C12orf54: variants seen among roughly 807,000 people sequenced by gnomAD.
C12orf54 encodes chromosome 12 open reading frame 54, also known as uncharacterized protein C12orf54.
Under a neutral mutation model 26.4 loss-of-function variants are expected in C12orf54, and 24 were observed. The ratio of observed to expected loss-of-function variants is 0.91; its 90% CI spans 0.66 to 1.28. The LOEUF (loss-of-function observed/expected upper bound fraction) is 1.28, where lower values mean the gene tolerates loss of function less well. C12orf54 is among the 50% of genes most tolerant of loss of function. The probability of loss-of-function intolerance (pLI) is 0.00; values close to 1 mark genes in which losing one functional copy is unlikely to be tolerated. For synonymous variants in C12orf54, 54 were observed against 47.0 expected (o/e 1.15, Z -0.61); for missense variants, 154 against 150.9 (o/e 1.02, Z -0.11).
the C12orf54 span, among the ~76,000 whole-genome samples, chr12:48,447,058 T>A: frequency 1.3e-5 from 2 of 152,244 alleles, no homozygotes; most frequent in Non-Finnish European, 2.9e-5. Context: ...TTAAAGGATT[T>A]ACTACTGGCA....
the C12orf54 span, among the ~76,000 whole-genome samples, chr12:48,424,919 G>A: frequency 6.6e-6 from 1 of 152,108 alleles, no homozygotes; most frequent in East Asian, 1.9e-4. Flanking sequence ...GCCAAGGGGT[G>A]GGAGGAGGAA....
At chr12:48,416,871 A>AAG in the C12orf54 span, among the ~76,000 whole-genome samples, 1 of 151,922 alleles carries the variant, frequency 6.6e-6, no homozygotes, top group African/African-American at 2.4e-5. Flanking sequence ...CCAAAAAAAA[A>AAG]AGAGAGAGAT....
At chr12:48,469,592 C>T in the C12orf54 span, among the ~76,000 whole-genome samples, 1 of 152,080 alleles carries the variant, frequency 6.6e-6, no homozygotes, top group South Asian at 2.1e-4. Flanking sequence ...ACATCCTCAT[C>T]TTATGAAGAT....
the C12orf54 span, chr12:48,473,231 G>A: frequency 8.6e-7 from 1 of 1,157,896 alleles, no homozygotes; most frequent in Non-Finnish European, 1.3e-6. Context: ...TGGAAGATGA[G>A]GAGGACGAGG....
chr12:48,456,736 TA>T, the C12orf54 span, among the ~76,000 whole-genome samples: 1 of 152,142 alleles, frequency 6.6e-6, no homozygotes, highest in Non-Finnish European at 1.5e-5. Context: ...ATTATTAATA[TA>T]TTTCCCTCTG....
intron 2 of C12orf54, among the ~76,000 whole-genome samples, chr12:48,483,908 T>G (rs556284212): frequency 6.6e-6 from 1 of 152,166 alleles, no homozygotes; most frequent in Admixed American, 6.5e-5. Flanking sequence ...TTGTAGAAAT[T>G]TGGGGCTGGG....
At chr12:48,416,125 G>A in the C12orf54 span, among the ~76,000 whole-genome samples, 15,341 of 152,050 alleles carry the variant, frequency 0.1, 832 homozygotes, top group Middle Eastern at 0.13. Flanking sequence ...AAAAAATACC[G>A]TCAGATGTCA....
intron 7 of C12orf54, among the ~76,000 whole-genome samples, chr12:48,494,551 A>G (rs1937868425): frequency 6.6e-6 from 1 of 152,196 alleles, no homozygotes; most frequent in East Asian, 1.9e-4. Flanking sequence ...GTCAAGCAAG[A>G]GGAATTTTCC....
the C12orf54 span, chr12:48,473,283 G>T: frequency 9.1e-7 from 1 of 1,093,394 alleles, no homozygotes; most frequent in Non-Finnish European, 1.4e-6. Context: ...GAGTGGAGAC[G>T]AGGAGGAGAA....
chr12:48,424,797 G>A, the C12orf54 span, among the ~76,000 whole-genome samples: 18 of 151,980 alleles, frequency 1.2e-4, no homozygotes, highest in African/African-American at 4.8e-5. Context: ...ACATCACTAC[G>A]CTAAGGCAAA....
At chr12:48,445,846 C>A in the C12orf54 span, among the ~76,000 whole-genome samples, 1 of 152,120 alleles carries the variant, frequency 6.6e-6, no homozygotes, top group Admixed American at 6.5e-5. Context: ...AAGGAGGAAG[C>A]GAAGTGATGT....
At chr12:48,444,908 C>G in the C12orf54 span, among the ~76,000 whole-genome samples, 1 of 152,202 alleles carries the variant, frequency 6.6e-6, no homozygotes, top group African/African-American at 2.4e-5. Context: ...CGCAGTGGCT[C>G]ACGCCTGTAA....
rs372584517 is a variant in C12orf54, at chr12:48,486,228, T to C, written c.96+20T>C. On this transcript the variant is annotated intron_variant, in intron 3 of 8. Coordinates refer to ENST00000548364, the MANE Select transcript of C12orf54 (RefSeq NM_152319.4). ...CCACAGGTGGGTAAGGTATCCAAAT[T>C]CTCTGGATCCTCTGGGGCTTCTAAT... The C allele has an allele frequency of 1.2e-5, 19 of 1,604,610 alleles. No homozygotes were observed. Among genetic ancestry groups the C allele is most frequent in the South Asian group, 5.5e-5 (5 of 90,886 alleles).
At chr12:48,421,736 G>A in the C12orf54 span, among the ~76,000 whole-genome samples, 2 of 152,006 alleles carry the variant, frequency 1.3e-5, no homozygotes, top group Admixed American at 1.3e-4. Context: ...CACCATGTTG[G>A]CCAGGTTGGT....
chr12:48,456,092 C>A, the C12orf54 span, among the ~76,000 whole-genome samples: 2 of 152,152 alleles, frequency 1.3e-5, no homozygotes, highest in Non-Finnish European at 1.5e-5. Context: ...AATAAATTAT[C>A]ATTTAAAAGT....
the C12orf54 span, among the ~76,000 whole-genome samples, chr12:48,448,809 C>T: frequency 0.34 from 51,250 of 152,066 alleles, 10,741 homozygotes; most frequent in Middle Eastern, 0.48. Context: ...TATTCTGAAC[C>T]AAATATAAGT....
chr12:48,485,704 C>T (rs1198722474), intron 2 of C12orf54, among the ~76,000 whole-genome samples: 3 of 152,174 alleles, frequency 2.0e-5, no homozygotes, highest in Non-Finnish European at 4.4e-5. Flanking sequence ...GCAAATCTTT[C>T]CACTTCTTCA....
chr12:48,473,503 CTT>C, the C12orf54 span: 1 of 397,090 alleles, frequency 2.5e-6, no homozygotes, highest in East Asian at 6.1e-5. Context: ...CCCCCTGAAA[CTT>C]ATTTTTTTCT....
chr12:48,463,932 T>G, the C12orf54 span, among the ~76,000 whole-genome samples: 1 of 152,070 alleles, frequency 6.6e-6, no homozygotes, highest in Non-Finnish European at 1.5e-5. Flanking sequence ...GGAACATACC[T>G]CAAAATAATA....
Sources: allele counts gnomAD v4.1 joint callset (sites outside exome capture counted in the v4.1 genomes callset), GRCh38; gene constraint gnomAD v4.1.1; transcripts MANE v1.5; gene names NCBI Gene and HGNC (gene_info 2026-07-23, HGNC 2026-07-21).